ZNF521: variants seen among roughly 807,000 people sequenced by gnomAD.
The protein encoded by ZNF521 is zinc finger protein 521.
In ZNF521, 14 loss-of-function variants were observed where a neutral mutation model predicts 105.5. The observed-to-expected ratio is 0.13, with a 90% CI of 0.09 to 0.21. The LOEUF (loss-of-function observed/expected upper bound fraction) is 0.21. ZNF521 is among the 10% of genes least tolerant of loss of function. ZNF521 has a pLI of 1.00. For synonymous variants in ZNF521, 635 were observed against 606.0 expected, an observed-to-expected ratio of 1.05 and a Z score of -0.70; for missense variants, 1,233 against 1,629.7, an observed-to-expected ratio of 0.76 and a Z score of 4.19.
At chr18:25,161,762 G>C (rs891498639) in intron 5 of ZNF521, among the ~76,000 whole-genome samples, 3 of 152,196 alleles carry the variant, frequency 2.0e-5, no homozygotes. Context: ...CTAATGTACA[G>C]AGAGTAGGTT....
chr18:25,064,156 G>A (rs2032987562), intron 7 of ZNF521, among the ~76,000 whole-genome samples: 1 of 152,254 alleles, frequency 6.6e-6, no homozygotes, highest in African/African-American at 2.4e-5. Context: ...GGCTACTGGA[G>A]AGGAAGGGCA....
chr18:25,266,467 T>C (rs1327635340), intron 3 of ZNF521, among the ~76,000 whole-genome samples: 2 of 152,052 alleles, frequency 1.3e-5, no homozygotes, highest in Non-Finnish European at 2.9e-5. Context: ...GCAAGATGGC[T>C]GAACAGGAAC....
At chr18:25,065,605 G>A (rs926351237) in intron 7 of ZNF521, among the ~76,000 whole-genome samples, 1 of 151,414 alleles carries the variant, frequency 6.6e-6, no homozygotes, top group Non-Finnish European at 1.5e-5. Context: ...GACTCTGACA[G>A]AAAGATGGGT....
chr18:25,239,250 G>T (rs909439767), intron 3 of ZNF521, among the ~76,000 whole-genome samples: 1 of 152,146 alleles, frequency 6.6e-6, no homozygotes, highest in African/African-American at 2.4e-5. Flanking sequence ...CTTCCTCTCT[G>T]TAAGAGCGTT....
intron 3 of ZNF521, among the ~76,000 whole-genome samples, chr18:25,244,794 G>C (rs534620089): frequency 1.3e-5 from 2 of 152,352 alleles, no homozygotes; most frequent in Non-Finnish European, 2.9e-5. Flanking sequence ...AAGCACTGCT[G>C]TTAGGTTTCT....
At chr18:25,180,199 T>A (rs79495185) in intron 5 of ZNF521, among the ~76,000 whole-genome samples, 3,359 of 152,300 alleles carry the variant, frequency 0.022, 48 homozygotes, top group South Asian at 0.075. Context: ...AGCTAATGTA[T>A]CCTTATAAGA....
chr18:25,077,682 G>A (rs1158948716), intron 7 of ZNF521, among the ~76,000 whole-genome samples: 1 of 152,154 alleles, frequency 6.6e-6, no homozygotes, highest in Non-Finnish European at 1.5e-5. Flanking sequence ...GTTGCAGACT[G>A]TTCGGCTACA....
intron 3 of ZNF521, among the ~76,000 whole-genome samples, chr18:25,256,162 T>C (rs1213122720): frequency 6.6e-6 from 1 of 151,752 alleles, no homozygotes; most frequent in African/African-American, 2.4e-5. Flanking sequence ...CCAATATGAA[T>C]AGACAAATAC....
intron 3 of ZNF521, among the ~76,000 whole-genome samples, chr18:25,238,900 G>C (rs1600196911): frequency 6.6e-6 from 1 of 152,094 alleles, no homozygotes; most frequent in South Asian, 2.1e-4. Flanking sequence ...TTTTTAGCAA[G>C]TTTCCTGAGT....
intron 5 of ZNF521, among the ~76,000 whole-genome samples, chr18:25,183,992 T>G (rs1233201372): frequency 6.6e-6 from 1 of 152,190 alleles, no homozygotes; most frequent in African/African-American, 2.4e-5. Flanking sequence ...GATGGTATAT[T>G]TTTTGGTTCA....
chr18:25,180,992 G>A (rs2035622821), intron 5 of ZNF521, among the ~76,000 whole-genome samples: 2 of 152,076 alleles, frequency 1.3e-5, no homozygotes, highest in Non-Finnish European at 2.9e-5. Flanking sequence ...CCCTATTTCA[G>A]CAGGTTTACT....
rs141129203 is a variant in ZNF521, at chr18:25,158,424, C to T, written c.3658+36736G>A. The stretch of plus-strand genomic sequence containing the variant: ...TTAATTTAAATTTTAATTAATTATT[C>T]TGCATTTTCCCAATTGGCCATAATC... On this transcript the variant is annotated intron_variant, in intron 5 of 7. Coordinates refer to ENST00000361524, the MANE Select transcript of ZNF521 (RefSeq NM_015461.3). Among the ~76,000 whole-genome samples, 1,010 of 152,030 alleles carry T rather than the reference C, an allele frequency of 6.6e-3. 15 individuals are homozygous for T. The highest frequency in any genetic ancestry group is 0.023 in the African/African-American group (970 of 41,492).
chr18:25,161,158 G>T (rs1035835363), intron 5 of ZNF521, among the ~76,000 whole-genome samples: 1 of 152,074 alleles, frequency 6.6e-6, no homozygotes, highest in African/African-American at 2.4e-5. Context: ...CTCCTAGTAC[G>T]TCACACTCCC....
At chr18:25,121,941 T>C (rs2034451837) in intron 5 of ZNF521, among the ~76,000 whole-genome samples, 1 of 151,712 alleles carries the variant, frequency 6.6e-6, no homozygotes, top group African/African-American at 2.4e-5. Context: ...ACCAAACACG[T>C]AAAGAAGCAG....
At chr18:25,256,190 A>T (rs938957903) in intron 3 of ZNF521, among the ~76,000 whole-genome samples, 1 of 151,952 alleles carries the variant, frequency 6.6e-6, no homozygotes, top group Admixed American at 6.6e-5. Flanking sequence ...TTCCAGTTAT[A>T]TGAGGTACCT....
chr18:25,266,592 A>T (rs1909267882), intron 3 of ZNF521, among the ~76,000 whole-genome samples: 2 of 152,130 alleles, frequency 1.3e-5, no homozygotes, highest in Admixed American at 1.3e-4. Flanking sequence ...GGTGCAGCCG[A>T]CGGAGGGCAA....
intron 2 of ZNF521, among the ~76,000 whole-genome samples, chr18:25,330,837 A>T (rs1224578933): frequency 2.0e-5 from 3 of 152,222 alleles, no homozygotes; most frequent in African/African-American, 7.2e-5. Context: ...CTAAAAGAAA[A>T]TATGGTAAGG....
chr18:25,174,417 C>T (rs1311948701), intron 5 of ZNF521, among the ~76,000 whole-genome samples: 1 of 152,156 alleles, frequency 6.6e-6, no homozygotes, highest in African/African-American at 2.4e-5. Flanking sequence ...TCCACGTGAA[C>T]ATTAGTCTCT....
chr18:25,062,577 T>C lies in ZNF521; in HGVS notation c.*135A>G. ...TCAAACACATGAACATCCAACAGTTTGATAATACAAGTTTTATGGTACAAT... is the reference window on the plus strand; with the variant it reads ...TCAAACACATGAACATCCAACAGTTCGATAATACAAGTTTTATGGTACAAT... On this transcript the variant is annotated 3_prime_UTR_variant, in exon 8 of 8. Coordinates refer to ENST00000361524, the MANE Select transcript of ZNF521 (RefSeq NM_015461.3). The C allele has an allele frequency of 9.9e-6, 12 of 1,214,394 alleles. No homozygotes were observed. The highest frequency in any genetic ancestry group is 2.3e-5 in the East Asian group (1 of 42,602). The allele number at this position is 1,214,394 out of a possible 1,614,324, so 75.2% of individuals were successfully genotyped here. A position where few individuals can be genotyped will look rare whatever the true frequency, so the allele number is the denominator to read the frequency against.
Sources: gnomAD v4.1 joint callset for allele counts (sites outside exome capture counted in the v4.1 genomes callset) on GRCh38, gnomAD v4.1.1 for gene constraint, MANE v1.5 for transcripts, NCBI Gene and HGNC (gene_info 2026-07-23, HGNC 2026-07-21) for gene names.